ADCY7: variants seen among roughly 807,000 people sequenced by gnomAD.
The protein encoded by ADCY7 is adenylate cyclase type 7.
A neutral mutation model predicts 120.6 loss-of-function variants in ADCY7; 72 were observed. The ratio of observed to expected loss-of-function variants is 0.60; its 90% CI spans 0.49 to 0.73. The LOEUF (loss-of-function observed/expected upper bound fraction) is 0.73, where lower values mean the gene tolerates loss of function less well. Ranked by LOEUF, ADCY7 falls within the 30% of genes least tolerant of loss-of-function variation. The probability of loss-of-function intolerance (pLI) is 0.00; values close to 1 mark genes in which losing one functional copy is unlikely to be tolerated. For synonymous variants in ADCY7, 661 were observed against 628.0 expected, an observed-to-expected ratio of 1.05 and a Z score of -0.78; for missense variants, 1,227 against 1,486.0, an observed-to-expected ratio of 0.83 and a Z score of 2.87.
At chr16:50,308,455 C>G (rs766726458) in intron 16 of ADCY7, 44 bp downstream of exon 16, 1 of 1,611,960 alleles carries the variant, frequency 6.2e-7, no homozygotes, top group Non-Finnish European at 8.5e-7. Context: ...CTCCCTGCCT[C>G]AGGACACCTG....
intron 1 of ADCY7, among the ~76,000 whole-genome samples, chr16:50,271,720 C>T (rs774420706): frequency 1.3e-5 from 2 of 152,166 alleles, no homozygotes; most frequent in African/African-American, 4.8e-5. Context: ...CCTTGGCCCC[C>T]ACAGTTCCCA....
chr16:50,273,930 G>T (rs1180533445), intron 1 of ADCY7, among the ~76,000 whole-genome samples: 2 of 152,186 alleles, frequency 1.3e-5, no homozygotes, highest in Non-Finnish European at 2.9e-5. Context: ...TTCTGTGGGA[G>T]GTGCAGGCCC....
intron 10 of ADCY7, among the ~76,000 whole-genome samples, chr16:50,302,749 G>A (rs544326077): frequency 1.3e-5 from 2 of 152,132 alleles, no homozygotes; most frequent in South Asian, 2.1e-4. Flanking sequence ...AGTGAACTGC[G>A]AGTCCCCCCA....
At position 50,311,803 on chromosome 16, in the gene ADCY7, C is replaced by T. The variant is rs79444364; in HGVS notation, c.2448+17C>T. 9.1e-5 allele frequency: 74 copies of T among 817,036 alleles called. No homozygotes were observed. The East Asian group carries it at 1.3e-3, about 15-fold the overall frequency. 50.6% of individuals were successfully genotyped at this position (817,036 alleles called of 1,614,324 possible). A position where few individuals can be genotyped will look rare whatever the true frequency, so the allele number is the denominator to read the frequency against. Reference sequence around the variant, plus strand: ...TCCAGACAGGTAAGGAGGCTGGCCCCCCCCCCCCCCCCAAGCTCTGCCCAC... The same window carrying T: ...TCCAGACAGGTAAGGAGGCTGGCCCTCCCCCCCCCCCCAAGCTCTGCCCAC... On this transcript the variant is annotated intron_variant, in intron 20 of 25. Transcript: ENST00000673801.
rs537680136 is a variant in ADCY7, at chr16:50,267,524, G to C, written c.-269+844G>C. 2.0e-5 allele frequency among the ~76,000 whole-genome samples: 3 copies of C among 152,224 alleles called. No homozygotes were observed. The South Asian group carries it at 6.2e-4, about 32-fold the overall frequency. On this transcript the variant is annotated intron_variant, in intron 1 of 25. Coordinates refer to ENST00000673801, the MANE Select transcript of ADCY7 (RefSeq NM_001114.5). ...CAAGGCCTGGACGGGCAGCCAGTGTGGGCTGGATGTGTCTGGAAGGGCTAT... is the reference window on the plus strand; with the variant it reads ...CAAGGCCTGGACGGGCAGCCAGTGTCGGCTGGATGTGTCTGGAAGGGCTAT...
rs1438917999 is a variant in ADCY7 at position 50,313,927 on chromosome 16, G to A, written c.2752-31G>A. ...AGCCTGGCTGCGGCTATGGAGTGGC[G>A]GCTGCTTCACCGCTTCCTTCTTGCC... On this transcript the variant is annotated intron_variant, in intron 22 of 25. Coordinates refer to ENST00000673801, the MANE Select transcript of ADCY7 (RefSeq NM_001114.5). 29 of 1,587,626 alleles carry A rather than the reference G, an allele frequency of 1.8e-5. No individual in the cohort carries two copies. In the Admixed American group the frequency reaches 2.5e-4, roughly 14 times the overall value.
intron 1 of ADCY7, among the ~76,000 whole-genome samples, chr16:50,287,051 C>T (rs111501369): frequency 2.0e-5 from 3 of 150,120 alleles, no homozygotes; most frequent in African/African-American, 7.4e-5. Context: ...GAGTCTCACT[C>T]TGTTGCCCAG....
chr16:50,274,129 C>G (rs901714783), intron 1 of ADCY7: 9 of 152,106 alleles, frequency 5.9e-5, no homozygotes, highest in African/African-American at 2.2e-4. Context: ...GTTTGGGGAA[C>G]CGAAATCAGC....
At chr16:50,280,157 C>T (rs1045618149) in intron 1 of ADCY7, among the ~76,000 whole-genome samples, 1 of 152,082 alleles carries the variant, frequency 6.6e-6, no homozygotes. Flanking sequence ...TTCTTCCTGG[C>T]TCAGTCATGG....
In ADCY7 at chr16:50,310,890, C is replaced by A; in HGVS notation, c.2354+10C>A. The A allele has an allele frequency of 6.3e-7, 1 of 1,575,262 alleles. No homozygotes were observed. Among genetic ancestry groups the A allele is most frequent in the Non-Finnish European group, 8.6e-7 (1 of 1,162,688 alleles). ...CCAACGGCACCACCAGGTGGGGTCC[C>A]GCCCGTCCCCGTCCCCATCCCCATG... On this transcript the variant is annotated intron_variant, in intron 19 of 25. Transcript: ENST00000673801.
At chr16:50,307,281 G>A (rs763912337) in intron 15 of ADCY7, 134 bp downstream of exon 15, 3 of 731,062 alleles carry the variant, frequency 4.1e-6, no homozygotes, top group East Asian at 2.8e-5. Context: ...TGGACCAGGG[G>A]CTGTGGCAGC....
chr16:50,308,681 T>C lies in ADCY7; in HGVS notation c.1950T>C (p.Ala650=), dbSNP rs749261254. The change falls in exon 17 of 26, where the codon GCT becomes GCC. Residue 650 remains alanine, a synonymous_variant. Transcript: ENST00000673801. ...FATKFSRCCP[A]RGTLCTISER... is the part of the protein sequence containing the mutation. ...TTACCCCACAGAGGTGCTGCCCAGC[T>C]CGGGGGACGCTCTGCACTATCTCTG... The C allele has an allele frequency of 1.2e-6, 2 of 1,613,062 alleles. No individual in the cohort carries two copies. The highest frequency in any genetic ancestry group is 1.7e-6 in the Non-Finnish European group (2 of 1,179,640).
At chr16:50,302,496 G>A (rs533336786) in intron 10 of ADCY7, among the ~76,000 whole-genome samples, 44 of 152,122 alleles carry the variant, frequency 2.9e-4, no homozygotes, top group Non-Finnish European at 6.0e-4. Context: ...ATCATGTTTC[G>A]CATAAGTGTT....
At chr16:50,313,763 A>AG in intron 22 of ADCY7, 195 bp from the exon 23 acceptor site, 1 of 578,766 alleles carries the variant, frequency 1.7e-6, no homozygotes, top group Non-Finnish European at 3.1e-6. Context: ...CGGAGACAAC[A>AG]GGAAGAGCAG....
At chr16:50,310,543 C>T in intron 18 of ADCY7, 144 bp from the exon 19 acceptor site, 2 of 1,547,824 alleles carry the variant, frequency 1.3e-6, no homozygotes, top group Non-Finnish European at 1.7e-6. Flanking sequence ...TCTTAGGTCT[C>T]ATTGTTTTTT....
chr16:50,310,601 G>GA, intron 18 of ADCY7, 86 bp from the exon 19 acceptor site: 1 of 1,599,906 alleles, frequency 6.3e-7, no homozygotes, highest in South Asian at 1.1e-5. Flanking sequence ...GAGGTGCAGG[G>GA]AGTGGGGCTC....
chr16:50,290,342 AC>A (rs2034863069), intron 2 of ADCY7, 114 bp from the exon 3 acceptor site: 2 of 1,151,982 alleles, frequency 1.7e-6, no homozygotes, highest in African/African-American at 1.5e-5. Context: ...GGGTGCATCC[AC>A]ACCCTTCACG....
intron 1 of ADCY7, among the ~76,000 whole-genome samples, chr16:50,275,100 A>G (rs1320932132): frequency 6.6e-6 from 1 of 152,158 alleles, no homozygotes; most frequent in African/African-American, 2.4e-5. Flanking sequence ...TCCCCAGGGC[A>G]AGGTGCTTCC....
At chr16:50,280,374 C>CAA (rs35353793) in intron 1 of ADCY7, among the ~76,000 whole-genome samples, 17,370 of 135,456 alleles carry the variant, frequency 0.13, 1,067 homozygotes, top group Non-Finnish European at 0.14. Context: ...TTAATTTTTT[C>CAA]AAAAAAAAAA....
Sources: allele counts gnomAD v4.1 joint callset (sites outside exome capture counted in the v4.1 genomes callset), GRCh38; gene constraint gnomAD v4.1.1; transcripts MANE v1.5; gene names NCBI Gene and HGNC (gene_info 2026-07-23, HGNC 2026-07-21).